ZNF16: variants seen among roughly 807,000 people sequenced by gnomAD.
The protein encoded by ZNF16 is zinc finger protein 16, also known as zinc finger protein KOX9.
In ZNF16, 7 loss-of-function variants were observed where a neutral mutation model predicts 9.0. The ratio of observed to expected loss-of-function variants is 0.78; its 90% confidence interval spans 0.44 to 1.47. ZNF16 has a LOEUF of 1.47. Ranked by LOEUF, ZNF16 falls within the 40% of genes most tolerant of loss-of-function variation. The pLI is 0.01. For missense variants in ZNF16, 830 were observed against 854.2 expected (o/e 0.97, Z 0.35); for synonymous variants, 312 against 301.5 (o/e 1.03, Z -0.36).
rs1833561580 is a variant in ZNF16 at position 144,932,010 on chromosome 8, A to G, written c.777T>C (p.His259=). ...TGCACTGGTAAGCTTTCTCACTCAT[A>G]TGAGATCGATGACGGTTTTTAAGAA... The part of the protein sequence containing the change: ...NSVLKNRHRS[H]MSEKAYQCSE... Residue 259 remains histidine, a synonymous_variant, in exon 3 of 3, where the codon CAT becomes CAC. Transcript: ENST00000394909. This position sits in a 1 kb window ranked among gnomAD's most constrained non-coding sequence, Gnocchi z 5.0. 5 of 1,614,046 alleles carry G rather than the reference A, an allele frequency of 3.1e-6. No homozygotes were observed. The East Asian group carries it at 1.1e-4, about 36-fold the overall frequency.
chr8:144,948,837 C>G (rs1834022664), intron 1 of ZNF16, among the ~76,000 whole-genome samples: 1 of 152,214 alleles, frequency 6.6e-6, no homozygotes, highest in South Asian at 2.1e-4. Flanking sequence ...GGTCCATATC[C>G]TAATCCCTGG....
At chr8:144,939,912 T>C (rs1243355599) in intron 2 of ZNF16, among the ~76,000 whole-genome samples, 1 of 152,228 alleles carries the variant, frequency 6.6e-6, no homozygotes, top group Non-Finnish European at 1.5e-5. Flanking sequence ...ATCAACTTTA[T>C]CTTTTCACAA....
intron 2 of ZNF16, among the ~76,000 whole-genome samples, chr8:144,941,668 T>A (rs1226091714): frequency 4.5e-5 from 5 of 111,188 alleles, no homozygotes; most frequent in Non-Finnish European, 7.8e-5. Flanking sequence ...CTTGTGTCCA[T>A]TTTTTTTTTT....
intron 1 of ZNF16, among the ~76,000 whole-genome samples, chr8:144,946,971 T>TG (rs1424765640): frequency 3.0e-5 from 2 of 66,996 alleles, no homozygotes; most frequent in Non-Finnish European, 3.0e-5. Context: ...TGTCCTGCTG[T>TG]GGGCCTGTGT....
chr8:144,931,582 T>C lies in ZNF16; in HGVS notation c.1205A>G (p.Glu402Gly), dbSNP rs1461670626. The C allele has an allele frequency of 1.2e-6, 2 of 1,614,046 alleles. No individual in the cohort carries two copies. Among genetic ancestry groups the C allele is most frequent in the African/African-American group, 2.7e-5 (2 of 74,900 alleles). The change falls in exon 3 of 3, where the codon GAG becomes GGG. Residue 402 changes from glutamate (E) to glycine (G), a missense_variant. Transcript: ENST00000394909. ...ACAATCATTACACTCATAAGGCTTC[T>C]CTCCAGTGTGGACCCTCTGGTGCTT... is the stretch of plus-strand genomic sequence containing the variant. ...LRKHQRVHTGEKPYECNDCGK... is the reference protein window; with the variant it reads ...LRKHQRVHTGGKPYECNDCGK...
chr8:144,949,346 C>T (rs1449394854), intron 1 of ZNF16, among the ~76,000 whole-genome samples: 2 of 152,260 alleles, frequency 1.3e-5, no homozygotes, highest in African/African-American at 4.8e-5. Context: ...TCTCCCCCAG[C>T]TCTGCTCAGT....
At chr8:144,934,374 G>A (rs186365028) in intron 2 of ZNF16, among the ~76,000 whole-genome samples, 44 of 152,374 alleles carry the variant, frequency 2.9e-4, no homozygotes, top group Non-Finnish European at 3.1e-4. Context: ...CCAGCACACA[G>A]ATGTGGGTGC....
In ZNF16 at chr8:144,931,470, C is replaced by T; in HGVS notation, c.1317G>A (p.Gly439=). The T allele has an allele frequency of 3.1e-6, 5 of 1,613,696 alleles. No homozygotes were observed. The highest frequency in any genetic ancestry group is 4.2e-6 in the Non-Finnish European group (5 of 1,179,886). Residue 439 remains glycine (G), a synonymous_variant, in exon 3 of 3, where the codon GGG becomes GGA. Transcript: ENST00000394909. ...GGCTGGAGCTCTGACTAAATGCTTTCCCACAGTCACTGCACTTATAGGGCT... is the reference window on the plus strand; with the variant it reads ...GGCTGGAGCTCTGACTAAATGCTTTTCCACAGTCACTGCACTTATAGGGCT... ...GEKPYKCSDC[G]KAFSQSSSLI...
In ZNF16 at chr8:144,949,601, C is replaced by T. The variant is rs149945248; in HGVS notation, c.-10+1196G>A. Reference sequence around the variant, plus strand: ...CCAGCCACTTTGCCACAACTTTGAGCTCACAAAAACATGTGTTGTATGGAA... The same window carrying T: ...CCAGCCACTTTGCCACAACTTTGAGTTCACAAAAACATGTGTTGTATGGAA... On this transcript the variant is annotated intron_variant, in intron 1 of 2. Coordinates refer to ENST00000394909, the MANE Select transcript of ZNF16 (RefSeq NM_006958.3). Among the ~76,000 whole-genome samples, 637 of 152,318 alleles carry T rather than the reference C, an allele frequency of 4.2e-3. 5 individuals are homozygous for T. Among genetic ancestry groups the T allele is most frequent in the African/African-American group, 0.014 (587 of 41,574 alleles).
intron 2 of ZNF16, among the ~76,000 whole-genome samples, chr8:144,936,793 C>T (rs1833692122): frequency 2.0e-5 from 3 of 151,956 alleles, no homozygotes; most frequent in Non-Finnish European, 2.9e-5. Context: ...GTGGCATGAT[C>T]TCGGCTCAAT....
chr8:144,944,227 T>A (rs958589620), intron 2 of ZNF16: 4 of 152,154 alleles, frequency 2.6e-5, no homozygotes, highest in Non-Finnish European at 4.4e-5. Flanking sequence ...CCTGCCACCA[T>A]GCCCAGCTAA....
chr8:144,932,121 A>C lies in ZNF16; in HGVS notation c.666T>G (p.Pro222=), dbSNP rs754500287. The part of the protein sequence containing the change: ...NECGKTFQGN[P]DLIQRQIVHT... ...GGACTATTTGACGCTGAATAAGGTC[A>C]GGATTTCCTTGGAAGGTTTTCCCAC... The change falls in exon 3 of 3, where the codon CCT becomes CCG. Residue 222 remains proline (P), a synonymous_variant. Coordinates refer to ENST00000394909, the MANE Select transcript of ZNF16 (RefSeq NM_006958.3). This position sits in a 1 kb window ranked among gnomAD's most constrained non-coding sequence, Gnocchi z 5.0. The C allele has an allele frequency of 8.7e-6, 14 of 1,614,050 alleles. No homozygotes were observed. The East Asian group carries it at 3.1e-4, about 36-fold the overall frequency.
At position 144,931,377 on chromosome 8, in the gene ZNF16, A is replaced by T. The variant is rs749275009; in HGVS notation, c.1410T>A (p.Phe470Leu). 1 of 1,613,958 alleles carries T rather than the reference A, an allele frequency of 6.2e-7. No individual in the cohort carries two copies. The highest frequency in any genetic ancestry group is 8.5e-7 in the Non-Finnish European group (1 of 1,179,998). ...GCTTTCGGAGCACTGAGCTATAACT[A>T]AAGGCTTTTCCACATACATTACACA... ...PHVCNVCGKA[F>L]SYSSVLRKHQ... The change falls in exon 3 of 3, where the codon TTT becomes TTA. Residue 470 changes from phenylalanine (F) to leucine (L), a missense_variant. Physicochemically the swap from Phe to Leu is conservative, Grantham distance 22. Coordinates refer to ENST00000394909, the MANE Select transcript of ZNF16 (RefSeq NM_006958.3).
chr8:144,932,716 A>T lies in ZNF16; in HGVS notation c.197-126T>A. 1 of 946,330 alleles carries T rather than the reference A, an allele frequency of 1.1e-6. No individual in the cohort carries two copies. The highest frequency in any genetic ancestry group is 1.6e-6 in the Non-Finnish European group (1 of 636,734). The allele number at this position is 946,330 out of a possible 1,614,324, so 58.6% of individuals were successfully genotyped here. A position where few individuals can be genotyped will look rare whatever the true frequency, so the allele number is the denominator to read the frequency against. On this transcript the variant is annotated intron_variant, in intron 2 of 2. Coordinates refer to ENST00000394909, the MANE Select transcript of ZNF16 (RefSeq NM_006958.3). The surrounding 1 kb of genome is among the most constrained non-coding windows in gnomAD (Gnocchi z 5.0). ...GGAGCAGGGGATCCTCTGGGGTGGCAGTCCAGATCAGAGGGCATCAGGGAG... is the reference window on the plus strand; with the variant it reads ...GGAGCAGGGGATCCTCTGGGGTGGCTGTCCAGATCAGAGGGCATCAGGGAG...
chr8:144,930,399 G>A lies in ZNF16; in HGVS notation c.*339C>T, dbSNP rs1007292865. ...CTACTATGGTTATCTCAAACCAAAC[G>A]TCACTTTACTTTTTTGGTAACTTTT... On this transcript the variant is annotated 3_prime_UTR_variant, in exon 3 of 3. Transcript: ENST00000394909. The A allele has an allele frequency of 1.6e-4, 36 of 228,308 alleles. No homozygotes were observed. The highest frequency in any genetic ancestry group is 5.2e-4 in the African/African-American group (23 of 44,240). The allele number at this position is 228,308 out of a possible 1,614,324, so 14.1% of individuals were successfully genotyped here.
intron 2 of ZNF16, among the ~76,000 whole-genome samples, chr8:144,943,231 A>G (rs1833845837): frequency 6.6e-6 from 1 of 152,202 alleles, no homozygotes; most frequent in Non-Finnish European, 1.5e-5. Context: ...TCTTACCCAG[A>G]ACCCCTTGTT....
In ZNF16 at chr8:144,931,017, G is replaced by A. The variant is rs767376168; in HGVS notation, c.1770C>T (p.His590=). The A allele has an allele frequency of 3.9e-5, 63 of 1,614,062 alleles. No individual in the cohort carries two copies. Among genetic ancestry groups the A allele is most frequent in the Admixed American group, 1.2e-4 (7 of 59,996 alleles). Residue 590 remains histidine (H), a synonymous_variant, in exon 3 of 3, where the codon CAC becomes CAT. Transcript: ENST00000394909. ...KAFNRSSNLI[H]HQKVHTGEKP... Reference sequence around the variant, plus strand: ...TTTCCCCAGTATGAACTTTCTGGTGGTGAATGAGATTTGAGCTTCGGTTGA... The same window carrying A: ...TTTCCCCAGTATGAACTTTCTGGTGATGAATGAGATTTGAGCTTCGGTTGA...
At chr8:144,950,007 A>C (rs1482142045) in intron 1 of ZNF16, among the ~76,000 whole-genome samples, 1 of 152,358 alleles carries the variant, frequency 6.6e-6, no homozygotes, top group East Asian at 1.9e-4. Context: ...ACATTTGTTC[A>C]ATTCTGAGAC....
At chr8:144,950,114 C>T (rs1160619515) in intron 1 of ZNF16, among the ~76,000 whole-genome samples, 1 of 152,082 alleles carries the variant, frequency 6.6e-6, no homozygotes, top group Non-Finnish European at 1.5e-5. Context: ...TGGAGAGAAA[C>T]AAATCTGGCC....
Sources: allele counts gnomAD v4.1 joint callset (sites outside exome capture counted in the v4.1 genomes callset), GRCh38; gene constraint gnomAD v4.1.1; non-coding constraint Gnocchi (gnomAD v3.1); transcripts MANE v1.5; gene names NCBI Gene and HGNC (gene_info 2026-07-23, HGNC 2026-07-21).